CEP128: variants seen among roughly 807,000 people sequenced by gnomAD.
The protein encoded by CEP128 is centrosomal protein 128, also known as centrosomal protein 128kDa.
A neutral mutation model predicts 156.7 loss-of-function variants in CEP128; 132 were observed. The ratio of observed to expected loss-of-function variants is 0.84; its 90% CI spans 0.73 to 0.97. CEP128 has a LOEUF of 0.97. Among genes scored for constraint, CEP128 ranks in the 50% least tolerant of loss-of-function variants. CEP128 has a pLI of 0.00. For synonymous variants in CEP128, 469 were observed against 448.9 expected (o/e 1.04, Z -0.57); for missense variants, 1,252 against 1,281.9 (o/e 0.98, Z 0.36).
intron 19 of CEP128, among the ~76,000 whole-genome samples, chr14:80,705,292 G>T (rs1028697808): frequency 2.0e-5 from 3 of 152,000 alleles, no homozygotes; most frequent in African/African-American, 7.2e-5. Context: ...TTGTGTGTGT[G>T]TGTGTGTGTT....
intron 16 of CEP128, among the ~76,000 whole-genome samples, chr14:80,766,018 T>C (rs1900220306): frequency 6.6e-6 from 1 of 152,194 alleles, no homozygotes; most frequent in Admixed American, 6.5e-5. Context: ...TGAATGAGCC[T>C]TATCATAAAT....
At chr14:80,583,567 C>T (rs986025475) in intron 19 of CEP128, among the ~76,000 whole-genome samples, 7 of 152,286 alleles carry the variant, frequency 4.6e-5, no homozygotes, top group African/African-American at 7.2e-5. Context: ...TTTTCTCCTT[C>T]TGAAGCCACA....
chr14:80,648,480 C>T (rs1595148048), intron 19 of CEP128, among the ~76,000 whole-genome samples: 1 of 152,006 alleles, frequency 6.6e-6, no homozygotes, highest in East Asian at 1.9e-4. Context: ...ACTAATATTA[C>T]TAGCCCTCCT....
At chr14:80,619,024 T>C (rs749825216) in intron 19 of CEP128, among the ~76,000 whole-genome samples, 13 of 152,206 alleles carry the variant, frequency 8.5e-5, no homozygotes, top group Non-Finnish European at 1.9e-4. Context: ...TGACAAGGAC[T>C]CCTCCATTGT....
At chr14:80,587,376 G>C (rs1891863579) in intron 19 of CEP128, among the ~76,000 whole-genome samples, 1 of 152,174 alleles carries the variant, frequency 6.6e-6, no homozygotes, top group African/African-American at 2.4e-5. Context: ...CTGGTCTACA[G>C]ATGGAGCCCA....
chr14:80,521,677 A>T (rs1888752488), intron 23 of CEP128, among the ~76,000 whole-genome samples: 1 of 152,208 alleles, frequency 6.6e-6, no homozygotes, highest in Non-Finnish European at 1.5e-5. Context: ...TACTGGAAAA[A>T]TAGCAATTAA....
chr14:80,600,503 T>G (rs1172485840), intron 19 of CEP128, among the ~76,000 whole-genome samples: 1 of 152,052 alleles, frequency 6.6e-6, no homozygotes, highest in Non-Finnish European at 1.5e-5. Flanking sequence ...AAACTGTCAG[T>G]GAAGAACTTT....
At chr14:80,589,738 T>C (rs1212572342) in intron 19 of CEP128, among the ~76,000 whole-genome samples, 1 of 152,156 alleles carries the variant, frequency 6.6e-6, no homozygotes, top group Non-Finnish European at 1.5e-5. Context: ...ACATTCAAGG[T>C]ACAGTTTGGT....
At chr14:80,694,601 G>A (rs1415492027) in intron 19 of CEP128, among the ~76,000 whole-genome samples, 2 of 152,194 alleles carry the variant, frequency 1.3e-5, no homozygotes, top group East Asian at 1.9e-4. Flanking sequence ...CCTTTTCAGG[G>A]ACATGGATGG....
chr14:80,508,041 T>C (rs1425611904), intron 23 of CEP128, among the ~76,000 whole-genome samples: 2 of 152,112 alleles, frequency 1.3e-5, no homozygotes, highest in Non-Finnish European at 2.9e-5. Context: ...CAGCCCCCGC[T>C]AGTAGCTGGG....
intron 19 of CEP128, among the ~76,000 whole-genome samples, chr14:80,618,779 A>G (rs1893338550): frequency 6.6e-6 from 1 of 152,196 alleles, no homozygotes; most frequent in Non-Finnish European, 1.5e-5. Flanking sequence ...TTTAGCAACC[A>G]TAACAATCAC....
intron 13 of CEP128, among the ~76,000 whole-genome samples, chr14:80,797,553 A>G (rs1883563596): frequency 6.6e-6 from 1 of 152,152 alleles, no homozygotes; most frequent in Admixed American, 6.5e-5. Context: ...GGTCCTTCCT[A>G]TATTCTCCTA....
intron 13 of CEP128, among the ~76,000 whole-genome samples, chr14:80,810,858 T>C (rs756353777): frequency 7.9e-5 from 12 of 152,152 alleles, no homozygotes; most frequent in Non-Finnish European, 1.3e-4. Flanking sequence ...ATGGGTGCCA[T>C]GGTGGTTTGC....
intron 19 of CEP128, among the ~76,000 whole-genome samples, chr14:80,706,630 G>T (rs1477894962): frequency 6.6e-6 from 1 of 151,996 alleles, no homozygotes; most frequent in Non-Finnish European, 1.5e-5. Flanking sequence ...GTCTTTTAGG[G>T]TTCATTCAGC....
chr14:80,955,582 C>T, intron 2 of CEP128: 1 of 1,469,434 alleles, frequency 6.8e-7, no homozygotes, highest in Non-Finnish European at 9.5e-7. Context: ...CCCACCCCTC[C>T]CGCTCCCGGG....
intron 21 of CEP128, among the ~76,000 whole-genome samples, chr14:80,537,598 T>C (rs1297508195): frequency 6.6e-6 from 1 of 152,228 alleles, no homozygotes; most frequent in African/African-American, 2.4e-5. Flanking sequence ...ATCTACTTAA[T>C]TGTAATCACT....
chr14:80,746,802 A>C (rs1415734321), intron 18 of CEP128, among the ~76,000 whole-genome samples: 1 of 152,232 alleles, frequency 6.6e-6, no homozygotes, highest in Non-Finnish European at 1.5e-5. Flanking sequence ...AAGAAGAGAC[A>C]ACCTGCTAAG....
intron 14 of CEP128, among the ~76,000 whole-genome samples, chr14:80,485,061 C>A (rs1036423624): frequency 6.6e-6 from 1 of 152,118 alleles, no homozygotes; most frequent in African/African-American, 2.4e-5. Context: ...GGACAGCTGT[C>A]TCTCAGTGGC....
At chr14:80,917,597 G>C (rs974917607) in intron 2 of CEP128, among the ~76,000 whole-genome samples, 1 of 152,040 alleles carries the variant, frequency 6.6e-6, no homozygotes, top group African/African-American at 2.4e-5. Context: ...GCAGTGGCAC[G>C]ATCTCAGCTT....
Sources: gnomAD v4.1 joint callset for allele counts (sites outside exome capture counted in the v4.1 genomes callset) on GRCh38, gnomAD v4.1.1 for gene constraint, MANE v1.5 for transcripts, NCBI Gene and HGNC (gene_info 2026-07-23, HGNC 2026-07-21) for gene names.